Variants in IGSF10 observed in about 807,000 individuals in gnomAD.
IGSF10 encodes calvaria mechanical force protein 608.
IGSF10 carries 126 observed loss-of-function variants against 128.2 expected under a neutral mutation model. The ratio of observed to expected loss-of-function variants is 0.98; its 90% CI spans 0.85 to 1.14. The LOEUF (loss-of-function observed/expected upper bound fraction) is 1.14. Among genes scored for constraint, IGSF10 ranks in the 50% most tolerant of loss-of-function variants. The probability of loss-of-function intolerance (pLI) is 0.00; values close to 1 mark genes in which losing one functional copy is unlikely to be tolerated. For missense variants in IGSF10, 3,295 were observed against 3,149.8 expected (o/e 1.05, Z -1.10); for synonymous variants, 1,185 against 1,146.2 (o/e 1.03, Z -0.68).
chr3:151,479,786 C>T, the IGSF10 span, among the ~76,000 whole-genome samples: 1 of 152,234 alleles, frequency 6.6e-6, no homozygotes, highest in South Asian at 2.1e-4. Context: ...TGCAAACAGA[C>T]ACATTTAACT....
the IGSF10 span, among the ~76,000 whole-genome samples, chr3:151,486,662 T>C: frequency 6.6e-6 from 1 of 152,234 alleles, no homozygotes; most frequent in African/African-American, 2.4e-5. Flanking sequence ...AGAAACTCAC[T>C]CAAAACCGCA....
At chr3:151,455,568 C>T (rs368016621) in intron 4 of IGSF10, among the ~76,000 whole-genome samples, 2 of 152,240 alleles carry the variant, frequency 1.3e-5, no homozygotes, top group African/African-American at 4.8e-5. Context: ...TGGAATCATA[C>T]ACTTTATGGC....
the IGSF10 span, among the ~76,000 whole-genome samples, chr3:151,516,421 T>A: frequency 6.6e-6 from 1 of 152,032 alleles, no homozygotes; most frequent in Non-Finnish European, 1.5e-5. Flanking sequence ...TGTGTGCACT[T>A]GTGGGGTATA....
At chr3:151,454,795 ACCAGC>A (rs2108570671) in intron 4 of IGSF10, among the ~76,000 whole-genome samples, 1 of 152,000 alleles carries the variant, frequency 6.6e-6, no homozygotes, top group South Asian at 2.1e-4. Flanking sequence ...GGAGTTTGAG[ACCAGC>A]CTAGCCAACA....
chr3:151,518,010 G>A, the IGSF10 span, among the ~76,000 whole-genome samples: 47,863 of 151,646 alleles, frequency 0.32, 8,059 homozygotes, highest in Middle Eastern at 0.44. Context: ...CAATGGTTTT[G>A]GTGCTTTCAA....
At position 151,446,058 on chromosome 3, in the gene IGSF10, G is replaced by C; in HGVS notation, c.3923C>G (p.Thr1308Arg). 6.2e-7 allele frequency: 1 copy of C among 1,614,102 alleles called. No individual in the cohort carries two copies. The highest frequency in any genetic ancestry group is 1.3e-5 in the African/African-American group (1 of 75,008). ...TGTTTGCGTTGATATGATGCTTTTT[G>C]TACTTGAGTCTTTGCTTATAATACT... ...LPSIISKDSS[T>R]KSIISTQTAI... is the part of the protein sequence containing the mutation. The change falls in exon 6 of 8, where the codon ACA (threonine) becomes AGA (arginine). Residue 1308 changes from threonine to arginine, a missense_variant. Transcript: ENST00000282466.
the IGSF10 span, among the ~76,000 whole-genome samples, chr3:151,476,748 C>A: frequency 6.6e-6 from 1 of 152,080 alleles, no homozygotes; most frequent in African/African-American, 2.4e-5. Flanking sequence ...AGAGGTTGTC[C>A]AAAAGTGAAT....
chr3:151,572,434 T>C, the IGSF10 span, among the ~76,000 whole-genome samples: 17 of 152,164 alleles, frequency 1.1e-4, no homozygotes, highest in African/African-American at 4.1e-4. Flanking sequence ...CAACTTCTTC[T>C]TGGTTTAGTC....
In IGSF10 at chr3:151,437,886, C is replaced by T. The variant is rs746923028; in HGVS notation, c.6675G>A (p.Met2225Ile). The change falls in exon 8 of 8, where the codon ATG becomes ATA. Residue 2225 changes from methionine to isoleucine, a missense_variant. Transcript: ENST00000282466. ...GTTTAGAGACCACATCCAGTTTGTACATTTTGGTGTCATCCCCACTGGGAT... is the reference window on the plus strand; with the variant it reads ...GTTTAGAGACCACATCCAGTTTGTATATTTTGGTGTCATCCCCACTGGGAT... ...ARNPSGDDTK[M>I]YKLDVVSKPP... The T allele has an allele frequency of 1.1e-5, 17 of 1,613,994 alleles. No homozygotes were observed. The highest frequency in any genetic ancestry group is 1.6e-4 in the Middle Eastern group (1 of 6,084).
Position 151,446,924 on chromosome 3 carries a change from C to T in IGSF10, c.3057G>A (p.Arg1019=). 1 of 1,614,152 alleles carries T rather than the reference C, an allele frequency of 6.2e-7. No individual in the cohort carries two copies. The highest frequency in any genetic ancestry group is 8.5e-7 in the Non-Finnish European group (1 of 1,180,020). The part of the protein sequence containing the change: ...RFGRQRKIGG[R]GRIISPYRTP... ...TTCTATATGGGCTGATAATCCGCCC[C>T]CTTCCGCCAATTTTCCTCTGCCTCC... The change falls in exon 6 of 8, where the codon AGG becomes AGA. Residue 1019 remains arginine, a synonymous_variant. Transcript: ENST00000282466.
At chr3:151,613,740 A>G in the IGSF10 span, among the ~76,000 whole-genome samples, 3 of 152,256 alleles carry the variant, frequency 2.0e-5, no homozygotes, top group African/African-American at 7.2e-5. Flanking sequence ...AAACTTAGGC[A>G]ATACCATTCA....
rs1720516720 is a variant in IGSF10 at position 151,437,973 on chromosome 3, C to G, written c.6588G>C (p.Gly2196=). The change falls in exon 8 of 8, where the codon GGG becomes GGC. Residue 2196 remains glycine, a synonymous_variant. Coordinates refer to ENST00000282466, the MANE Select transcript of IGSF10 (RefSeq NM_178822.5). ...SIDRYTFHAN[G]SLTINKVKLL... is the part of the protein sequence containing the mutation. ...GTTTCACTTTGTTGATGGTCAAAGA[C>G]CCATTGGCATGAAATGTGTACCTAT... The G allele has an allele frequency of 3.7e-6, 6 of 1,614,148 alleles. No homozygotes were observed. In the African/African-American group the frequency reaches 5.3e-5, roughly 14 times the overall value.
chr3:151,569,166 G>A, the IGSF10 span, among the ~76,000 whole-genome samples: 1 of 152,174 alleles, frequency 6.6e-6, no homozygotes, highest in Non-Finnish European at 1.5e-5. Context: ...CCATCCACTG[G>A]ATTCAAGCAA....
the IGSF10 span, among the ~76,000 whole-genome samples, chr3:151,525,884 T>TC: frequency 3.9e-5 from 6 of 152,212 alleles, no homozygotes; most frequent in East Asian, 7.7e-4. Context: ...CACTTTTTTT[T>TC]CCATATGAAG....
At chr3:151,544,691 C>CT in the IGSF10 span, among the ~76,000 whole-genome samples, 1,204 of 138,492 alleles carry the variant, frequency 8.7e-3, 11 homozygotes, top group African/African-American at 0.027. Context: ...GATTTTCTCT[C>CT]TTTTTTTTTT....
the IGSF10 span, among the ~76,000 whole-genome samples, chr3:151,500,857 C>T: frequency 6.6e-6 from 1 of 152,068 alleles, no homozygotes; most frequent in Admixed American, 6.6e-5. Flanking sequence ...CTTGAGTTCC[C>T]TCTTACAGGT....
At chr3:151,513,750 G>C in the IGSF10 span, among the ~76,000 whole-genome samples, 7 of 152,176 alleles carry the variant, frequency 4.6e-5, no homozygotes, top group Non-Finnish European at 8.8e-5. Flanking sequence ...ATCTCTTTAA[G>C]CTGATAAGCA....
chr3:151,466,254 G>A, the IGSF10 span, among the ~76,000 whole-genome samples: 12,305 of 151,960 alleles, frequency 0.081, 694 homozygotes, highest in Non-Finnish European at 0.13. Flanking sequence ...CGAGGTACCC[G>A]CTGAGCCCAT....
chr3:151,520,384 G>T, the IGSF10 span, among the ~76,000 whole-genome samples: 1 of 151,776 alleles, frequency 6.6e-6, no homozygotes, highest in Non-Finnish European at 1.5e-5. Context: ...AAGAGAACTT[G>T]CTTCTCAGAC....
Sources: gnomAD v4.1 joint callset for allele counts (sites outside exome capture counted in the v4.1 genomes callset) on GRCh38, gnomAD v4.1.1 for gene constraint, MANE v1.5 for transcripts, NCBI Gene and HGNC (gene_info 2026-07-23, HGNC 2026-07-21) for gene names.